The following PGM5 variants were observed in gnomAD, a reference collection of about 807,000 sequenced individuals.
The protein encoded by PGM5 is phosphoglucomutase 5, also known as phosphoglucomutase-like protein 5.
A neutral mutation model predicts 59.2 loss-of-function variants in PGM5; 23 were observed. The ratio of observed to expected loss-of-function variants is 0.39; its 90% confidence interval spans 0.28 to 0.55. The LOEUF is 0.55. PGM5 is among the 20% of genes least tolerant of loss of function. The probability of loss-of-function intolerance (pLI) is 0.66; values close to 1 mark genes in which losing one functional copy is unlikely to be tolerated. For synonymous variants in PGM5, 214 were observed against 286.0 expected (o/e 0.75, Z 2.54); for missense variants, 574 against 748.3 (o/e 0.77, Z 2.72).
chr9:68,504,978 T>C (rs1824632274), intron 10 of PGM5, among the ~76,000 whole-genome samples: 1 of 152,214 alleles, frequency 6.6e-6, no homozygotes, highest in South Asian at 2.1e-4. Flanking sequence ...ATGACTGAGG[T>C]CTTGAATAAA....
intron 6 of PGM5, among the ~76,000 whole-genome samples, chr9:68,406,849 G>GTC (rs1348187848): frequency 6.6e-6 from 1 of 150,388 alleles, no homozygotes; most frequent in Non-Finnish European, 1.5e-5. Flanking sequence ...CTCATGAGTA[G>GTC]TCTCCCGTGC....
rs190760601 is a variant in PGM5 at position 68,433,603 on chromosome 9, G to C, written c.1044-31490G>C. 2.6e-5 allele frequency among the ~76,000 whole-genome samples: 4 copies of C among 152,266 alleles called. No homozygotes were observed. In the East Asian group the frequency reaches 7.7e-4, roughly 29 times the overall value. The stretch of plus-strand genomic sequence containing the variant: ...GATTTTGTTTTATTTTGTCCAGTTC[G>C]AATCAGTTTGATGGCTGTGTGTTTA... On this transcript the variant is annotated intron_variant, in intron 6 of 10. Coordinates refer to ENST00000396396, the MANE Select transcript of PGM5 (RefSeq NM_021965.4).
intron 9 of PGM5, among the ~76,000 whole-genome samples, chr9:68,492,395 T>C (rs1554687924): frequency 2.0e-5 from 3 of 152,210 alleles, no homozygotes; most frequent in Non-Finnish European, 4.4e-5. Context: ...GCATGGCTTT[T>C]CTAGGTGAGT....
At chr9:68,385,666 A>G (rs1822199875) in intron 3 of PGM5, among the ~76,000 whole-genome samples, 1 of 151,972 alleles carries the variant, frequency 6.6e-6, no homozygotes, top group South Asian at 2.1e-4. Context: ...CAAGGGGTAC[A>G]TTATATTAAG....
At chr9:68,425,488 A>G (rs868995494) in intron 6 of PGM5, among the ~76,000 whole-genome samples, 13 of 152,210 alleles carry the variant, frequency 8.5e-5, no homozygotes, top group Admixed American at 2.0e-4. Context: ...TCATAAATAT[A>G]TATCTTATCT....
chr9:68,488,125 TATG>T (rs1554687670), intron 9 of PGM5, among the ~76,000 whole-genome samples: 2 of 152,100 alleles, frequency 1.3e-5, no homozygotes, highest in Non-Finnish European at 2.9e-5. Context: ...ATGAACCAGA[TATG>T]ATAAGAAAAG....
At chr9:68,379,882 G>T (rs1265821619) in intron 2 of PGM5, among the ~76,000 whole-genome samples, 1 of 151,932 alleles carries the variant, frequency 6.6e-6, no homozygotes, top group Admixed American at 6.6e-5. Flanking sequence ...ATGATAAAGA[G>T]GTCATCTTAT....
At chr9:68,456,559 G>A (rs1465351881) in intron 6 of PGM5, among the ~76,000 whole-genome samples, 2 of 149,476 alleles carry the variant, frequency 1.3e-5, no homozygotes, top group Non-Finnish European at 3.0e-5. Flanking sequence ...GACGTCATGA[G>A]CCGCCCGCCT....
chr9:68,394,121 C>G (rs531814038), intron 6 of PGM5: 1 of 151,810 alleles, frequency 6.6e-6, no homozygotes, highest in Admixed American at 6.6e-5. Context: ...AAGAAGGCAC[C>G]GGGAAACATT....
chr9:68,432,915 C>T (rs1368713489), intron 6 of PGM5, among the ~76,000 whole-genome samples: 1 of 152,038 alleles, frequency 6.6e-6, no homozygotes, highest in African/African-American at 2.4e-5. Context: ...CCTAAATGAA[C>T]CATATTTTTT....
Position 68,457,805 on chromosome 9 carries a change from T to G in PGM5, c.1044-7288T>G, listed in dbSNP as rs192891710. ...TCTTCCAAGAGTATTATATAAGTCA[T>G]TTTTTTTTAAGCTTCAGTAAGAGGT... On this transcript the variant is annotated intron_variant, in intron 6 of 10. Transcript: ENST00000396396. Among the ~76,000 whole-genome samples, 909 of 152,186 alleles carry G rather than the reference T, an allele frequency of 6.0e-3. 7 individuals are homozygous for G. The highest frequency in any genetic ancestry group is 0.02 in the African/African-American group (838 of 41,506).
At chr9:68,440,823 C>T (rs1471504539) in intron 6 of PGM5, among the ~76,000 whole-genome samples, 2 of 151,836 alleles carry the variant, frequency 1.3e-5, no homozygotes, top group African/African-American at 4.8e-5. Flanking sequence ...AAGTAGAAAT[C>T]AATGATAATG....
chr9:68,426,619 T>A (rs533842938), intron 6 of PGM5, among the ~76,000 whole-genome samples: 5 of 152,148 alleles, frequency 3.3e-5, no homozygotes, highest in South Asian at 2.1e-4. Context: ...TATTATTTTT[T>A]TTTTTTTTTG....
intron 2 of PGM5, among the ~76,000 whole-genome samples, chr9:68,382,474 C>T (rs1822102687): frequency 6.6e-6 from 1 of 151,670 alleles, no homozygotes; most frequent in Non-Finnish European, 1.5e-5. Flanking sequence ...GATATCACAT[C>T]AAAAGCTCAG....
Position 68,456,063 on chromosome 9 carries a change from T to C in PGM5, c.1044-9030T>C, listed in dbSNP as rs1823769669. Among the ~76,000 whole-genome samples, 2 of 152,188 alleles carry C rather than the reference T, an allele frequency of 1.3e-5. 1 individual carries two copies. Among genetic ancestry groups the C allele is most frequent in the Admixed American group, 1.3e-4 (2 of 15,272 alleles). ...TATTTCTCTTTCACATATAGTGTGG[T>C]AATAAACATCCTTGAACCTCATCTT... On this transcript the variant is annotated intron_variant, in intron 6 of 10. Transcript: ENST00000396396.
intron 9 of PGM5, among the ~76,000 whole-genome samples, chr9:68,493,451 G>C (rs1340420619): frequency 1.3e-5 from 2 of 152,182 alleles, no homozygotes; most frequent in African/African-American, 2.4e-5. Flanking sequence ...TTCAACCTCA[G>C]ATTGTAAGCC....
rs545731159 is a variant in PGM5, at chr9:68,479,672, C to A, written c.1295+119C>A. ...GCATCAGGCCGGGCGCGGTGGCTCA[C>A]GCCTGTAATCCCAGCACTTTGGGAG... On this transcript the variant is annotated intron_variant, in intron 8 of 10. Coordinates refer to ENST00000396396, the MANE Select transcript of PGM5 (RefSeq NM_021965.4). The A allele has an allele frequency of 6.9e-4, 652 of 944,506 alleles. 3 individuals carry two copies. In the African/African-American group the frequency reaches 9.1e-3, roughly 13 times the overall value. 58.5% of individuals were successfully genotyped at this position (944,506 alleles called of 1,614,324 possible).
intron 1 of PGM5, among the ~76,000 whole-genome samples, chr9:68,367,053 G>A (rs1455814777): frequency 1.3e-5 from 2 of 151,908 alleles, no homozygotes; most frequent in African/African-American, 4.8e-5. Context: ...TGTTGAAGGT[G>A]TGAGCTTCTC....
chr9:68,416,813 T>G (rs183208421), intron 6 of PGM5, among the ~76,000 whole-genome samples: 1 of 152,322 alleles, frequency 6.6e-6, no homozygotes, highest in African/African-American at 2.4e-5. Flanking sequence ...CTCAAAGAGG[T>G]GATTCTAGCT....
Sources: gnomAD v4.1 joint callset for allele counts (sites outside exome capture counted in the v4.1 genomes callset) on GRCh38, gnomAD v4.1.1 for gene constraint, MANE v1.5 for transcripts, NCBI Gene and HGNC (gene_info 2026-07-23, HGNC 2026-07-21) for gene names.